The following MCM9 variants were observed in gnomAD, a reference collection of about 807,000 sequenced individuals.
MCM9 encodes the protein DNA helicase MCM9.
MCM9 carries 55 observed loss-of-function variants against 72.8 expected under a neutral mutation model. That is an observed-to-expected ratio of 0.76 (90% confidence interval 0.61 to 0.95). The LOEUF (loss-of-function observed/expected upper bound fraction) is 0.95. MCM9 is among the 40% of genes least tolerant of loss of function. The pLI, the probability that MCM9 is intolerant of heterozygous loss-of-function variation, is 0.00. For missense variants in MCM9, 1,279 were observed against 1,377.0 expected (o/e 0.93, Z 1.13); for synonymous variants, 480 against 503.4 (o/e 0.95, Z 0.62).
At chr6:118,846,715 C>G (rs2114645131) in intron 9 of MCM9, among the ~76,000 whole-genome samples, 1 of 151,756 alleles carries the variant, frequency 6.6e-6, no homozygotes, top group East Asian at 1.9e-4. Context: ...ACAGACAAAT[C>G]AACCATCCCC....
chr6:118,901,547 C>T (rs990601729), intron 8 of MCM9, among the ~76,000 whole-genome samples: 1 of 152,120 alleles, frequency 6.6e-6, no homozygotes, highest in Admixed American at 6.5e-5. Flanking sequence ...TTCTTAGATA[C>T]CACTGAGAGT....
intron 1 of MCM9, among the ~76,000 whole-genome samples, chr6:118,933,811 A>C (rs1782659701): frequency 6.6e-6 from 1 of 152,138 alleles, no homozygotes; most frequent in Non-Finnish European, 1.5e-5. Flanking sequence ...CCAGAGTGAG[A>C]GTAAGAATGA....
At chr6:118,882,592 CAG>C (rs1778356868) in intron 8 of MCM9, among the ~76,000 whole-genome samples, 1 of 152,158 alleles carries the variant, frequency 6.6e-6, no homozygotes, top group Admixed American at 6.5e-5. Context: ...CCAAAAAGAA[CAG>C]AGCAATCAAC....
In MCM9 at chr6:118,844,494, T is replaced by C. The variant is rs1038051640; in HGVS notation, c.1325+11877A>G. The stretch of plus-strand genomic sequence containing the variant: ...CCCCAAAAAAGCCAACATGTACTAT[T>C]CTTGTACCTTTCTGTAAGTGATATT... On this transcript the variant is annotated intron_variant, in intron 9 of 13. Transcript: ENST00000619706. Among the ~76,000 whole-genome samples, 2 of 151,698 alleles carry C rather than the reference T, an allele frequency of 1.3e-5. 1 individual carries two copies. Among genetic ancestry groups the C allele is most frequent in the African/African-American group, 4.9e-5 (2 of 41,016 alleles).
At chr6:118,919,152 T>C (rs1280177160) in intron 5 of MCM9, 2 of 152,218 alleles carry the variant, frequency 1.3e-5, no homozygotes, top group African/African-American at 4.8e-5. Flanking sequence ...GGATTATGTT[T>C]AGGTTGTTTC....
chr6:118,886,656 ATACT>A (rs1231536110), intron 8 of MCM9, among the ~76,000 whole-genome samples: 1 of 152,256 alleles, frequency 6.6e-6, no homozygotes, highest in African/African-American at 2.4e-5. Flanking sequence ...TACAAAGCTT[ATACT>A]ATGAAAACAA....
chr6:118,814,971 T>G lies in MCM9; in HGVS notation c.3285A>C (p.Pro1095=). The G allele has an allele frequency of 6.4e-7, 1 of 1,550,548 alleles. No homozygotes were observed. ...GPSSPPTTTA[P]MRVSKRKSFQ... is the part of the protein sequence containing the mutation. ...AAGATTTCCTTTTACTGACACGCAT[T>G]GGAGCTGTGGTTGTAGGAGGGGAGC... Residue 1095 remains proline, a synonymous_variant, in exon 14 of 14, where the codon CCA becomes CCC. Coordinates refer to ENST00000619706, the MANE Select transcript of MCM9 (RefSeq NM_017696.3).
At position 118,924,219 on chromosome 6, in the gene MCM9, T is replaced by C. The variant is rs140340419; in HGVS notation, c.305-92A>G. On this transcript the variant is annotated intron_variant, in intron 3 of 13. Transcript: ENST00000619706. Reference sequence around the variant, plus strand: ...TTCTCCTATTTCCTGAAAGATAAATTTTAATTTCAGGGGGAAAAAAAAGAT... The same window carrying C: ...TTCTCCTATTTCCTGAAAGATAAATCTTAATTTCAGGGGGAAAAAAAAGAT... The C allele has an allele frequency of 2.4e-5, 29 of 1,197,400 alleles. No individual in the cohort carries two copies. In the African/African-American group the frequency reaches 4.3e-4, roughly 18 times the overall value. The allele number at this position is 1,197,400 out of a possible 1,614,324, so 74.2% of individuals were successfully genotyped here.
intron 9 of MCM9, among the ~76,000 whole-genome samples, chr6:118,836,946 T>C (rs1775002192): frequency 6.6e-6 from 1 of 152,180 alleles, no homozygotes; most frequent in Admixed American, 6.5e-5. Context: ...GCTTCTCTAG[T>C]TCTTTCAATT....
Position 118,913,301 on chromosome 6 carries a change from C to T in MCM9, c.1024G>A (p.Val342Ile). Reference sequence around the variant, plus strand: ...TTTCTAAATAGGTACTAACCTCTGACCCGTGTTCCTGTAGCATCAGTCCTT... The same window carrying T: ...TTTCTAAATAGGTACTAACCTCTGATCCGTGTTCCTGTAGCATCAGTCCTT... ...IQRTDATGTRVRGESHLLLVG... is the reference protein window; with the variant it reads ...IQRTDATGTRIRGESHLLLVG... The change falls in exon 7 of 14, where the codon GTC becomes ATC. Residue 342 changes from valine (V) to isoleucine (I), a missense_variant. Physicochemically the swap from Val to Ile is conservative, Grantham distance 29 (BLOSUM62 3). Transcript: ENST00000619706. 1 of 1,614,092 alleles carries T rather than the reference C, an allele frequency of 6.2e-7. No individual in the cohort carries two copies. Among genetic ancestry groups the T allele is most frequent in the Non-Finnish European group, 8.5e-7 (1 of 1,179,980 alleles).
intron 3 of MCM9, among the ~76,000 whole-genome samples, chr6:118,927,794 C>T (rs957515185): frequency 2.0e-5 from 3 of 152,152 alleles, no homozygotes; most frequent in Admixed American, 2.0e-4. Context: ...AGAAAGCTAT[C>T]TTTAATTTGA....
At chr6:118,887,456 C>CA (rs1345618680) in intron 8 of MCM9, among the ~76,000 whole-genome samples, 1 of 152,068 alleles carries the variant, frequency 6.6e-6, no homozygotes, top group African/African-American at 2.4e-5. Context: ...CCCCTTCACA[C>CA]CATATACAAA....
chr6:118,851,649 C>A (rs1776231906), intron 9 of MCM9, among the ~76,000 whole-genome samples: 1 of 151,552 alleles, frequency 6.6e-6, no homozygotes, highest in African/African-American at 2.4e-5. Context: ...TGTTAAAATG[C>A]TCAGAAAAGT....
rs76967739 is a variant in MCM9 at position 118,911,634 on chromosome 6, T to C, written c.1150+16A>G. 3.2e-3 allele frequency: 5,100 copies of C among 1,596,336 alleles called. 137 individuals carry two copies. The African/African-American group carries it at 0.061, about 19-fold the overall frequency. ...TGAAGTAATGTTAAATTACTTGAAATTGTCACATACAATACCTGCACTAGT... is the reference window on the plus strand; with the variant it reads ...TGAAGTAATGTTAAATTACTTGAAACTGTCACATACAATACCTGCACTAGT... On this transcript the variant is annotated intron_variant, in intron 8 of 13. Coordinates refer to ENST00000619706, the MANE Select transcript of MCM9 (RefSeq NM_017696.3).
At chr6:118,891,353 G>A (rs1403154853) in intron 8 of MCM9, among the ~76,000 whole-genome samples, 1 of 152,144 alleles carries the variant, frequency 6.6e-6, no homozygotes, top group Admixed American at 6.5e-5. Flanking sequence ...TTAATTCTGA[G>A]GGGAAAAATA....
intron 8 of MCM9, among the ~76,000 whole-genome samples, chr6:118,861,861 A>G (rs1164141275): frequency 6.6e-6 from 1 of 151,920 alleles, no homozygotes; most frequent in African/African-American, 2.4e-5. Flanking sequence ...CCAGTGACCC[A>G]CCCCTTCCTG....
intron 8 of MCM9, among the ~76,000 whole-genome samples, chr6:118,879,206 G>A (rs2114374834): frequency 6.7e-6 from 1 of 150,158 alleles, no homozygotes; most frequent in Middle Eastern, 3.4e-3. Context: ...GGAAACAGAT[G>A]AACTACTTCA....
At chr6:118,883,611 G>A (rs976450755) in intron 8 of MCM9, among the ~76,000 whole-genome samples, 2 of 151,938 alleles carry the variant, frequency 1.3e-5, no homozygotes, top group Non-Finnish European at 2.9e-5. Flanking sequence ...CATTTAAAAG[G>A]GAGCCACAAT....
chr6:118,892,610 C>A (rs1307989614), intron 8 of MCM9, among the ~76,000 whole-genome samples: 1 of 152,152 alleles, frequency 6.6e-6, no homozygotes, highest in Non-Finnish European at 1.5e-5. Context: ...CAGCAATTTC[C>A]ACTTTATCTG....
Sources: allele counts gnomAD v4.1 joint callset (sites outside exome capture counted in the v4.1 genomes callset), GRCh38; gene constraint gnomAD v4.1.1; transcripts MANE v1.5; gene names NCBI Gene and HGNC (gene_info 2026-07-23, HGNC 2026-07-21).